The following AFG2A variants were observed in gnomAD, a reference collection of about 807,000 sequenced individuals.
AFG2A encodes the protein AAA ATPase AFG2A, also known as ATPase family gene 2 protein homolog A.
the AFG2A span, among the ~76,000 whole-genome samples, chr4:123,139,879 G>A: frequency 6.6e-6 from 1 of 152,020 alleles, no homozygotes; most frequent in South Asian, 2.1e-4. Context: ...TTTAATATGA[G>A]CTTTTTCTGT....
the AFG2A span, among the ~76,000 whole-genome samples, chr4:123,125,777 C>T: frequency 6.6e-6 from 1 of 152,114 alleles, no homozygotes; most frequent in Non-Finnish European, 1.5e-5. Context: ...AATCTGAATC[C>T]AGTCCAGCCT....
the AFG2A span, among the ~76,000 whole-genome samples, chr4:123,012,274 CAGAG>C: frequency 2.1e-4 from 24 of 115,008 alleles, no homozygotes; most frequent in African/African-American, 7.0e-4. Context: ...GGTAGAGACA[CAGAG>C]AGAAGGGGTG....
At chr4:122,975,633 TTA>T in the AFG2A span, among the ~76,000 whole-genome samples, 3 of 152,120 alleles carry the variant, frequency 2.0e-5, no homozygotes, top group Non-Finnish European at 4.4e-5. Flanking sequence ...ACCTGAGCCT[TTA>T]TAGGCTTGCA....
At chr4:123,085,192 A>G in the AFG2A span, among the ~76,000 whole-genome samples, 3 of 152,178 alleles carry the variant, frequency 2.0e-5, no homozygotes, top group Non-Finnish European at 4.4e-5. Context: ...CTGTTGCTGT[A>G]TGAATTAGTG....
the AFG2A span, among the ~76,000 whole-genome samples, chr4:122,947,674 A>G: frequency 2.0e-5 from 3 of 152,188 alleles, no homozygotes; most frequent in Admixed American, 6.5e-5. Context: ...ACTATAAAAA[A>G]AAATAAAAAT....
At chr4:123,092,343 T>C in the AFG2A span, among the ~76,000 whole-genome samples, 1 of 152,214 alleles carries the variant, frequency 6.6e-6, no homozygotes, top group Admixed American at 6.5e-5. Context: ...GGTTTCCCTG[T>C]GGTTAATAAG....
At chr4:123,221,886 C>T in the AFG2A span, among the ~76,000 whole-genome samples, 1 of 151,946 alleles carries the variant, frequency 6.6e-6, no homozygotes, top group African/African-American at 2.4e-5. Context: ...AAAATTGCGC[C>T]ACTGCATTCC....
the AFG2A span, among the ~76,000 whole-genome samples, chr4:123,234,108 T>G: frequency 1.3e-5 from 2 of 152,144 alleles, no homozygotes; most frequent in African/African-American, 2.4e-5. Context: ...CATAATCCAC[T>G]GATAAAAGCA....
At chr4:123,268,497 G>C in the AFG2A span, among the ~76,000 whole-genome samples, 1 of 152,146 alleles carries the variant, frequency 6.6e-6, no homozygotes, top group South Asian at 2.1e-4. Flanking sequence ...TAAATTTCTA[G>C]ATTGAAAGCC....
the AFG2A span, among the ~76,000 whole-genome samples, chr4:123,149,021 G>T: frequency 6.6e-6 from 1 of 151,950 alleles, no homozygotes; most frequent in Admixed American, 6.6e-5. Flanking sequence ...CGCCTGCCTC[G>T]GCCTCCCAAA....
chr4:123,070,272 A>G, the AFG2A span, among the ~76,000 whole-genome samples: 2 of 152,122 alleles, frequency 1.3e-5, no homozygotes, highest in Admixed American at 6.5e-5. Context: ...ATTAATTTTT[A>G]TAATTATAAT....
At chr4:122,942,027 C>T in the AFG2A span, among the ~76,000 whole-genome samples, 100 of 151,390 alleles carry the variant, frequency 6.6e-4, no homozygotes, top group Middle Eastern at 0.01. Context: ...CTGCTGGATT[C>T]GGTTTGCCAG....
chr4:123,255,715 C>CTTTTTTTTTTTTTTTTTTT, the AFG2A span, among the ~76,000 whole-genome samples: 2 of 103,910 alleles, frequency 1.9e-5, 1 homozygote. Context: ...TACTGCTTTT[C>CTTTTTTTTTTTTTTTTTTT]TATTTTTTTT....
the AFG2A span, among the ~76,000 whole-genome samples, chr4:123,034,736 T>C: frequency 7.2e-5 from 11 of 152,178 alleles, no homozygotes; most frequent in Non-Finnish European, 7.3e-5. Flanking sequence ...TGGGTGGGCA[T>C]ATGCGAGCTG....
the AFG2A span, chr4:123,102,240 T>TA: frequency 7.7e-6 from 1 of 130,176 alleles, no homozygotes; most frequent in African/African-American, 2.9e-5. Context: ...AAACAGATCA[T>TA]AAAGCAAGCA....
At chr4:123,084,508 A>T in the AFG2A span, among the ~76,000 whole-genome samples, 1 of 151,444 alleles carries the variant, frequency 6.6e-6, no homozygotes, top group East Asian at 1.9e-4. Flanking sequence ...TTTATAGACA[A>T]TAGAACTTTG....
At chr4:123,311,394 A>G in the AFG2A span, among the ~76,000 whole-genome samples, 29 of 152,216 alleles carry the variant, frequency 1.9e-4, no homozygotes, top group South Asian at 6.2e-4. Context: ...TTGAGAGGCC[A>G]AGGCGGGCGG....
the AFG2A span, among the ~76,000 whole-genome samples, chr4:123,242,082 A>G: frequency 6.6e-6 from 1 of 152,150 alleles, no homozygotes; most frequent in African/African-American, 2.4e-5. Context: ...GATGGGAAGG[A>G]CCTCTTCAAG....
chr4:123,265,403 T>A, the AFG2A span, among the ~76,000 whole-genome samples: 1 of 152,102 alleles, frequency 6.6e-6, no homozygotes, highest in Non-Finnish European at 1.5e-5. Flanking sequence ...AACTTCAATG[T>A]ATGGAGATAC....
Sources: gnomAD v4.1 joint callset for allele counts (sites outside exome capture counted in the v4.1 genomes callset) on GRCh38, gnomAD v4.1.1 for gene constraint, MANE v1.5 for transcripts, NCBI Gene and HGNC (gene_info 2026-07-23, HGNC 2026-07-21) for gene names.